The following PML variants were observed in gnomAD, a reference collection of about 807,000 sequenced individuals.
The protein encoded by PML is protein PML.
Under a neutral mutation model 65.2 loss-of-function variants are expected in PML, and 28 were observed. The ratio of observed to expected loss-of-function variants is 0.43; its 90% CI spans 0.32 to 0.59. The LOEUF is 0.59. Among genes scored for constraint, PML ranks in the 20% least tolerant of loss-of-function variants. PML has a pLI of 0.08. For synonymous variants in PML, 500 were observed against 508.8 expected, an observed-to-expected ratio of 0.98 and a Z score of 0.23; for missense variants, 1,021 against 1,203.4, an observed-to-expected ratio of 0.85 and a Z score of 2.24.
rs781134737 is a variant in PML at position 74,043,124 on chromosome 15, A to G, written c.1846A>G (p.Lys616Glu). Residue 616 changes from lysine (K) to glutamate (E), a missense_variant, in exon 8 of 9, where the codon AAG (lysine) becomes GAG (glutamate). By Grantham distance (56) the Lys-to-Glu change is moderately conservative. Transcript: ENST00000268058. The surrounding 1 kb of genome is among the most constrained non-coding windows in gnomAD (Gnocchi z 4.3). ...CAGACCTCTGGTTTTCTTTGACCTC[A>G]AGATTGACAATGAAAGTGGGTTCTC... ...EDRPLVFFDL[K>E]IDNETQKISQ... The G allele has an allele frequency of 6.2e-7, 1 of 1,613,618 alleles. No homozygotes were observed. The highest frequency in any genetic ancestry group is 8.5e-7 in the Non-Finnish European group (1 of 1,179,954).
chr15:73,998,536 A>G (rs990287862), intron 2 of PML, 60 bp downstream of exon 2: 1 of 1,423,924 alleles, frequency 7.0e-7, no homozygotes, highest in Non-Finnish European at 9.8e-7. Flanking sequence ...GGGCGAGAGG[A>G]GCAAAGATCC....
chr15:74,019,063 G>A (rs2070721958), intron 2 of PML, among the ~76,000 whole-genome samples: 1 of 152,234 alleles, frequency 6.6e-6, no homozygotes, highest in Non-Finnish European at 1.5e-5. Context: ...AGTCTTACCA[G>A]AGGGCTGGGG....
intron 1 of PML, among the ~76,000 whole-genome samples, chr15:73,997,251 TC>T (rs2069553775): frequency 6.6e-6 from 1 of 152,214 alleles, no homozygotes. Context: ...GTTGCGGTTT[TC>T]CTTTCGATTT....
Position 73,998,420 on chromosome 15 carries a change from C to G in PML, c.546C>G (p.Arg182=). 1.2e-6 allele frequency: 2 copies of G among 1,614,012 alleles called. No homozygotes were observed. Among genetic ancestry groups the G allele is most frequent in the African/African-American group, 1.3e-5 (1 of 75,040 alleles). Residue 182 remains arginine (R), a synonymous_variant, in exon 2 of 9, where the codon CGC becomes CGG. Coordinates refer to ENST00000268058, the MANE Select transcript of PML (RefSeq NM_033238.3). The part of the protein sequence containing the change: ...QSVREFLDGT[R]KTNNIFCSNP... ...TGCGTGAGTTCCTGGACGGCACCCG[C>G]AAGACCAACAACATCTTCTGCTCCA...
At chr15:74,012,301 G>A (rs745635072) in intron 2 of PML, among the ~76,000 whole-genome samples, 5 of 152,230 alleles carry the variant, frequency 3.3e-5, no homozygotes, top group South Asian at 2.1e-4. Context: ...TCAGCATCCC[G>A]AGTAGCTGGG....
At chr15:74,033,939 G>A in intron 6 of PML, 1 of 351,756 alleles carries the variant, frequency 2.8e-6, no homozygotes, top group African/African-American at 2.0e-5. Flanking sequence ...AGAGGAATCT[G>A]GAACAAGAGA....
At chr15:74,003,876 T>C (rs77078858) in intron 2 of PML, among the ~76,000 whole-genome samples, 6,322 of 152,306 alleles carry the variant, frequency 0.042, 209 homozygotes, top group East Asian at 0.19. Context: ...GAGTTTACTT[T>C]CTGAGACCTT....
At chr15:74,020,788 A>G (rs1366499790) in intron 2 of PML, among the ~76,000 whole-genome samples, 1 of 152,076 alleles carries the variant, frequency 6.6e-6, no homozygotes, top group Non-Finnish European at 1.5e-5. Flanking sequence ...GAGGCTGCCC[A>G]CATTCCTTGG....
chr15:74,012,837 TC>T (rs1170588862), intron 2 of PML, among the ~76,000 whole-genome samples: 2 of 133,526 alleles, frequency 1.5e-5, no homozygotes, highest in Non-Finnish European at 3.3e-5. Flanking sequence ...ATTTTTTTTT[TC>T]CAAGAAGGAC....
In PML at chr15:74,037,877, C is replaced by G. The variant is rs989833030; in HGVS notation, c.1710+3347C>G. On this transcript the variant is annotated intron_variant, in intron 7 of 8. Transcript: ENST00000268058. This position sits in a 1 kb window ranked among gnomAD's most constrained non-coding sequence, Gnocchi z 4.2. Reference sequence around the variant, plus strand: ...GACTTCAGTTACTGCCCAGGGGTAGCTGATACCCAACACTCGCACCTGCCT... The same window carrying G: ...GACTTCAGTTACTGCCCAGGGGTAGGTGATACCCAACACTCGCACCTGCCT... 8.7e-6 allele frequency: 2 copies of G among 229,174 alleles called. No individual in the cohort carries two copies. Among genetic ancestry groups the G allele is most frequent in the African/African-American group, 4.7e-5 (2 of 42,794 alleles). The allele number at this position is 229,174 out of a possible 1,614,324, so 14.2% of individuals were successfully genotyped here. A position where few individuals can be genotyped will look rare whatever the true frequency, so the allele number is the denominator to read the frequency against.
At chr15:74,005,234 G>T (rs981910579) in intron 2 of PML, among the ~76,000 whole-genome samples, 2 of 151,040 alleles carry the variant, frequency 1.3e-5, no homozygotes, top group African/African-American at 2.4e-5. Flanking sequence ...TGTATTATTA[G>T]TAGAGACGGC....
In PML at chr15:74,044,845, T is replaced by G; in HGVS notation, c.2486T>G (p.Leu829Arg). 1 of 1,613,452 alleles carries G rather than the reference T, an allele frequency of 6.2e-7. No homozygotes were observed. The highest frequency in any genetic ancestry group is 1.1e-5 in the South Asian group (1 of 91,090). The change falls in exon 9 of 9, where the codon CTG becomes CGG. Residue 829 changes from leucine to arginine, a missense_variant. Transcript: ENST00000268058. ...AAGAAGTACAGCCGCTATCTAAGCC[T>G]GCAGACCACCACGTTGCCCCCTGCC... Reference protein sequence around the residue: ...GLKKYSRYLSLQTTTLPPAQP... With the variant: ...GLKKYSRYLSRQTTTLPPAQP...
chr15:74,043,227 C>T lies in PML; in HGVS notation c.1861+88C>T, dbSNP rs1302575796. 3.7e-6 allele frequency: 6 copies of T among 1,611,226 alleles called. No homozygotes were observed. In the East Asian group the frequency reaches 1.3e-4, roughly 36 times the overall value. ...TGCAGGCAGAGCCATCTGCCAGGCC[C>T]AGGAGAGCTCTGAGCTCTGGCCAAC... On this transcript the variant is annotated intron_variant, in intron 8 of 8. Coordinates refer to ENST00000268058, the MANE Select transcript of PML (RefSeq NM_033238.3). The surrounding 1 kb of genome is among the most constrained non-coding windows in gnomAD (Gnocchi z 4.3).
At chr15:74,017,402 T>G (rs2070643295) in intron 2 of PML, among the ~76,000 whole-genome samples, 1 of 152,104 alleles carries the variant, frequency 6.6e-6, no homozygotes, top group East Asian at 2.0e-4. Flanking sequence ...ATCCCAGCAC[T>G]TTGGGAGGCA....
rs959035266 is a variant in PML at position 74,037,608 on chromosome 15, G to A, written c.1710+3078G>A. 46 of 985,142 alleles carry A rather than the reference G, an allele frequency of 4.7e-5. No homozygotes were observed. The East Asian group carries it at 5.7e-4, about 12-fold the overall frequency. The allele number at this position is 985,142 out of a possible 1,614,324, so 61.0% of individuals were successfully genotyped here. A position where few individuals can be genotyped will look rare whatever the true frequency, so the allele number is the denominator to read the frequency against. Reference sequence around the variant, plus strand: ...TTCACCCCACCTCCTGCGCTTCCCCGCCAGTACCAGGGTGGCCTCTGTGCC... The same window carrying A: ...TTCACCCCACCTCCTGCGCTTCCCCACCAGTACCAGGGTGGCCTCTGTGCC... On this transcript the variant is annotated intron_variant, in intron 7 of 8. Transcript: ENST00000268058. The surrounding 1 kb of genome is among the most constrained non-coding windows in gnomAD (Gnocchi z 4.2).
Position 74,032,560 on chromosome 15 carries a change from C to T in PML, c.1255-12C>T, listed in dbSNP as rs2071369841. 2 of 1,614,126 alleles carry T rather than the reference C, an allele frequency of 1.2e-6. No individual in the cohort carries two copies. Among genetic ancestry groups the T allele is most frequent in the Non-Finnish European group, 1.7e-6 (2 of 1,180,004 alleles). ...CCTAGTCATTTCTGACTCAATTTTC[C>T]CAACTTTGCAGCCCGAGGAGGCAGA... On this transcript the variant is annotated splice_polypyrimidine_tract_variant and intron_variant, in intron 4 of 8. Coordinates refer to ENST00000268058, the MANE Select transcript of PML (RefSeq NM_033238.3).
At chr15:74,008,286 C>T (rs986142013) in intron 2 of PML, among the ~76,000 whole-genome samples, 1 of 152,200 alleles carries the variant, frequency 6.6e-6, no homozygotes, top group Non-Finnish European at 1.5e-5. Flanking sequence ...TCAGATGTGG[C>T]AGGCTTGGAA....
At position 74,033,157 on chromosome 15, in the gene PML, A is replaced by T; in HGVS notation, c.1400A>T (p.Asp467Val). 6.2e-7 allele frequency: 1 copy of T among 1,614,058 alleles called. No homozygotes were observed. The change falls in exon 6 of 9, where the codon GAT becomes GTT. Residue 467 changes from aspartate (D) to valine (V), a missense_variant and splice_region_variant. Transcript: ENST00000268058. ...GGCTCTGTGACTCCCTCTATGCAGG[A>T]TGTCTCCAATACAACGACAGCCCAG... ...FSIKGPSYGEDVSNTTTAQKR... is the reference protein window; with the variant it reads ...FSIKGPSYGEVVSNTTTAQKR...
At position 74,020,557 on chromosome 15, in the gene PML, A is replaced by G. The variant is rs143864340; in HGVS notation, c.603-2271A>G. Among the ~76,000 whole-genome samples the G allele has an allele frequency of 5.9e-5, 9 of 152,282 alleles. No individual in the cohort carries two copies. In the East Asian group the frequency reaches 1.5e-3, roughly 26 times the overall value. On this transcript the variant is annotated intron_variant, in intron 2 of 8. Transcript: ENST00000268058. ...AAGCAGCCTTGTAATGGTTAAGAAC[A>G]TGGACTCTAAGCTGGACTGCCTGGG...
Sources: allele counts gnomAD v4.1 joint callset (sites outside exome capture counted in the v4.1 genomes callset), GRCh38; gene constraint gnomAD v4.1.1; non-coding constraint Gnocchi (gnomAD v3.1); transcripts MANE v1.5; gene names NCBI Gene and HGNC (gene_info 2026-07-23, HGNC 2026-07-21).